SEPTIN10: variants seen among roughly 807,000 people sequenced by gnomAD.
SEPTIN10 encodes septin-10.
SEPTIN10 carries 66 observed loss-of-function variants against 54.8 expected under a neutral mutation model. That is an observed-to-expected ratio of 1.21 (90% CI 0.99 to 1.48). The LOEUF (loss-of-function observed/expected upper bound fraction) is 1.48, where lower values mean the gene tolerates loss of function less well. Among genes scored for constraint, SEPTIN10 ranks in the 40% most tolerant of loss-of-function variants. SEPTIN10 has a pLI of 0.00. For synonymous variants in SEPTIN10, 161 were observed against 181.0 expected (o/e 0.89, Z 0.89); for missense variants, 620 against 545.6 (o/e 1.14, Z -1.36).
chr2:109,585,654 T>C (rs1692323067), intron 3 of SEPTIN10, 67 bp downstream of exon 3: 4 of 1,053,052 alleles, frequency 3.8e-6, no homozygotes, highest in Non-Finnish European at 5.9e-6. Context: ...GTTCTGCCCA[T>C]GACAAGAATG....
At chr2:109,578,364 G>A (rs983527292) in intron 4 of SEPTIN10, among the ~76,000 whole-genome samples, 1 of 152,180 alleles carries the variant, frequency 6.6e-6, no homozygotes, top group Admixed American at 6.5e-5. Flanking sequence ...ACATAGGAAA[G>A]CTGCAGACAA....
chr2:109,589,439 T>C (rs1333705426), intron 2 of SEPTIN10, among the ~76,000 whole-genome samples: 1 of 151,922 alleles, frequency 6.6e-6, no homozygotes, highest in Admixed American at 6.6e-5. Flanking sequence ...GGCTACAGCA[T>C]GAGAACCGCT....
At chr2:109,565,943 A>G (rs1465774393) in intron 6 of SEPTIN10, 84 bp from the exon 7 acceptor site, 18 of 1,204,076 alleles carry the variant, frequency 1.5e-5, no homozygotes, top group Non-Finnish European at 1.8e-5. Flanking sequence ...AGAGAAGAGA[A>G]TAATTAAATA....
intron 1 of SEPTIN10, among the ~76,000 whole-genome samples, chr2:109,604,099 T>C (rs1274130263): frequency 6.8e-6 from 1 of 147,494 alleles, no homozygotes; most frequent in Non-Finnish European, 1.5e-5. Context: ...GAGGTGGAGA[T>C]TGCAGTGAGC....
At chr2:109,588,949 G>C (rs1342527528) in intron 2 of SEPTIN10, among the ~76,000 whole-genome samples, 2 of 151,090 alleles carry the variant, frequency 1.3e-5, no homozygotes, top group Non-Finnish European at 2.9e-5. Context: ...AAAGAAGGTA[G>C]GAAAGAAGAA....
At chr2:109,591,448 T>C (rs1488050544) in intron 2 of SEPTIN10, among the ~76,000 whole-genome samples, 1 of 152,192 alleles carries the variant, frequency 6.6e-6, no homozygotes, top group Admixed American at 6.5e-5. Flanking sequence ...AGATTACTAG[T>C]GACTCTGACA....
intron 8 of SEPTIN10, among the ~76,000 whole-genome samples, chr2:109,560,799 T>G (rs1163503735): frequency 5.3e-5 from 8 of 152,182 alleles, no homozygotes; most frequent in Middle Eastern, 3.4e-3. Context: ...AACCATAAAT[T>G]CAGGAGACTA....
chr2:109,544,375 TA>T (rs1484963705), intron 10 of SEPTIN10, 51 bp from the exon 11 acceptor site: 3 of 1,551,122 alleles, frequency 1.9e-6, no homozygotes, highest in Non-Finnish European at 2.6e-6. Flanking sequence ...AAAATTCAAG[TA>T]AAAATTAGCA....
intron 5 of SEPTIN10, among the ~76,000 whole-genome samples, chr2:109,570,252 G>A (rs149306404): frequency 1.3e-3 from 192 of 152,242 alleles, no homozygotes; most frequent in African/African-American, 4.0e-3. Flanking sequence ...CTTTAAATGA[G>A]TGCATGATAC....
intron 10 of SEPTIN10, chr2:109,545,770 C>T: frequency 7.0e-7 from 1 of 1,427,280 alleles, no homozygotes; most frequent in Non-Finnish European, 9.1e-7. Flanking sequence ...CATTTTCCCC[C>T]AGCTAACTGA....
In SEPTIN10 at chr2:109,582,110, A is replaced by ACACACACT. The variant is rs1428735597; in HGVS notation, c.413+3015_413+3016insAGTGTGTG. 2.0e-3 allele frequency among the ~76,000 whole-genome samples: 265 copies of ACACACACT among 134,964 alleles called. 2 individuals carry two copies. Among genetic ancestry groups the ACACACACT allele is most frequent in the South Asian group, 4.4e-3 (18 of 4,056 alleles). 88.5% of individuals were successfully genotyped at this position (134,964 alleles called of 152,430 possible). ...CACACACACACACACACACACACAC[A>ACACACACT]CACTCACTCTCACGCAAAAACCTAG... On this transcript the variant is annotated intron_variant, in intron 4 of 10. Coordinates refer to ENST00000397712, the MANE Select transcript of SEPTIN10 (RefSeq NM_144710.5).
chr2:109,613,472 C>T (rs1202731049), intron 1 of SEPTIN10: 1 of 253,470 alleles, frequency 3.9e-6, no homozygotes. Flanking sequence ...CCTTCAACTC[C>T]GTTATAGCCG....
intron 1 of SEPTIN10, among the ~76,000 whole-genome samples, chr2:109,609,720 G>T (rs140727533): frequency 6.6e-6 from 1 of 151,792 alleles, no homozygotes; most frequent in African/African-American, 2.4e-5. Context: ...TATCCTCACT[G>T]AAGAAAAACT....
chr2:109,613,279 A>G (rs1432953909), intron 1 of SEPTIN10: 3 of 842,906 alleles, frequency 3.6e-6, no homozygotes, highest in Non-Finnish European at 4.8e-6. Flanking sequence ...AGTACAAAAG[A>G]GTCAAGGCGG....
chr2:109,587,533 C>T (rs909889448), intron 2 of SEPTIN10, among the ~76,000 whole-genome samples: 1 of 152,124 alleles, frequency 6.6e-6, no homozygotes, highest in Non-Finnish European at 1.5e-5. Context: ...CTCAGAGATA[C>T]AAGAATTTCA....
intron 4 of SEPTIN10, among the ~76,000 whole-genome samples, chr2:109,583,775 G>A (rs1573667105): frequency 6.6e-6 from 1 of 152,076 alleles, no homozygotes; most frequent in African/African-American, 2.4e-5. Flanking sequence ...AACAAGTGTG[G>A]TACATACCTA....
At chr2:109,558,189 C>CTCATG (rs1684823731) in intron 8 of SEPTIN10, among the ~76,000 whole-genome samples, 1 of 152,274 alleles carries the variant, frequency 6.6e-6, no homozygotes, top group Non-Finnish European at 1.5e-5. Flanking sequence ...ATCTCAGATG[C>CTCATG]TCATGTCATC....
chr2:109,570,424 A>G (rs1191833407), intron 5 of SEPTIN10, among the ~76,000 whole-genome samples: 1 of 152,216 alleles, frequency 6.6e-6, no homozygotes, highest in Non-Finnish European at 1.5e-5. Context: ...AGGATCAAAA[A>G]TATTAGGGGA....
Position 109,565,768 on chromosome 2 carries a change from A to C in SEPTIN10, c.854T>G (p.Val285Gly). 3 of 1,613,324 alleles carry C rather than the reference A, an allele frequency of 1.9e-6. No individual in the cohort carries two copies. Among genetic ancestry groups the C allele is most frequent in the Non-Finnish European group, 2.5e-6 (3 of 1,179,326 alleles). ...TCATCCTTTGTCTCATTTACCTTGT[A>C]CAACACCCCAAGGGTACTGGCGAGC... Reference protein sequence around the residue: ...VKARQYPWGVVQVENENHCDF... With the variant: ...VKARQYPWGVGQVENENHCDF... The change falls in exon 7 of 11, where the codon GTA becomes GGA. Residue 285 changes from valine to glycine, a missense_variant. Transcript: ENST00000397712.
Sources: allele counts gnomAD v4.1 joint callset (sites outside exome capture counted in the v4.1 genomes callset), GRCh38; gene constraint gnomAD v4.1.1; transcripts MANE v1.5; gene names NCBI Gene and HGNC (gene_info 2026-07-23, HGNC 2026-07-21).